AHNAK2: variants seen among roughly 807,000 people sequenced by gnomAD.
AHNAK2 encodes the protein AHNAK nucleoprotein 2, also known as protein AHNAK2.
In AHNAK2, 18 loss-of-function variants were observed where a neutral mutation model predicts 30.7. That is an observed-to-expected ratio of 0.59 (90% CI 0.41 to 0.87). The LOEUF (loss-of-function observed/expected upper bound fraction) is 0.87, where lower values mean the gene tolerates loss of function less well. Among genes scored for constraint, AHNAK2 ranks in the 40% least tolerant of loss-of-function variants. The probability of loss-of-function intolerance (pLI) is 0.00; values close to 1 mark genes in which losing one functional copy is unlikely to be tolerated. For missense variants in AHNAK2, 8,604 were observed against 7,373.0 expected, an observed-to-expected ratio of 1.17 and a Z score of -6.11; for synonymous variants, 3,590 against 3,073.8, an observed-to-expected ratio of 1.17 and a Z score of -5.56.
chr14:104,947,192 A>G lies in AHNAK2; in HGVS notation c.8259T>C (p.Val2753=), dbSNP rs749659848. 92 of 1,609,826 alleles carry G rather than the reference A, an allele frequency of 5.7e-5. 2 individuals carry two copies. Among genetic ancestry groups the G allele is most frequent in the African/African-American group, 1.4e-4 (10 of 73,352 alleles). ...EVDLKGPQID[V]KGPNVDLKGP... ...CTTTCAGGTCCACGTTGGGGCCCTT[A>G]ACATCTATCTGGGGGCCCTTGAGGT... is the stretch of plus-strand genomic sequence containing the variant. Residue 2753 remains valine, a synonymous_variant, in exon 7 of 7, where the codon GTT becomes GTC. Coordinates refer to ENST00000333244, the MANE Select transcript of AHNAK2 (RefSeq NM_138420.4).
At chr14:104,975,879 A>G (rs957198743) in intron 1 of AHNAK2, among the ~76,000 whole-genome samples, 5 of 152,144 alleles carry the variant, frequency 3.3e-5, no homozygotes, top group African/African-American at 1.2e-4. Flanking sequence ...GGCCCTGAAG[A>G]GGGCACCAGC....
chr14:104,966,413 C>T lies in AHNAK2; in HGVS notation c.56-8741G>A, dbSNP rs1276059936. Among the ~76,000 whole-genome samples the T allele has an allele frequency of 6.6e-6, 1 of 152,132 alleles. No homozygotes were observed. The highest frequency in any genetic ancestry group is 1.5e-5 in the Non-Finnish European group (1 of 68,020). On this transcript the variant is annotated intron_variant, in intron 1 of 6. Transcript: ENST00000333244. This position sits in a 1 kb window ranked among gnomAD's most constrained non-coding sequence, Gnocchi z 4.3. ...CACAGGCCCCTTCTCCCTAACCAGG[C>T]AGTGAAGGGGCAAGACCCTGTCTCC...
chr14:104,971,032 C>T (rs1192243544), intron 1 of AHNAK2, among the ~76,000 whole-genome samples: 2 of 152,178 alleles, frequency 1.3e-5, no homozygotes, highest in Non-Finnish European at 2.9e-5. Flanking sequence ...ACCCTGGCCT[C>T]CCTTCAGCCC....
Position 104,952,069 on chromosome 14 carries a change from T to C in AHNAK2, c.3382A>G (p.Ser1128Gly). Residue 1128 changes from serine to glycine, a missense_variant, in exon 7 of 7, where the codon AGC becomes GGC. By Grantham distance (56) the Ser-to-Gly change is moderately conservative. Transcript: ENST00000333244. Reference protein sequence around the residue: ...TAPDVEVSLPSVEVDVEAPGA... With the variant: ...TAPDVEVSLPGVEVDVEAPGA... ...GGGGCCTCGACGTCCACCTCCACGCTGGGCAGAGACACCTCCACATCAGGG... is the reference window on the plus strand; with the variant it reads ...GGGGCCTCGACGTCCACCTCCACGCCGGGCAGAGACACCTCCACATCAGGG... 6.2e-7 allele frequency: 1 copy of C among 1,612,642 alleles called. No individual in the cohort carries two copies. The highest frequency in any genetic ancestry group is 8.5e-7 in the Non-Finnish European group (1 of 1,179,518).
At position 104,954,119 on chromosome 14, in the gene AHNAK2, A is replaced by T; in HGVS notation, c.1332T>A (p.Pro444=). 1 of 1,611,866 alleles carries T rather than the reference A, an allele frequency of 6.2e-7. No homozygotes were observed. The highest frequency in any genetic ancestry group is 8.5e-7 in the Non-Finnish European group (1 of 1,179,760). The part of the protein sequence containing the change: ...AQRKPRAQPT[P]GMSREGEGEG... ...CGCCTTCACCCTCCCGGCTCATTCC[A>T]GGAGTTGGCTGGGCCCTGGGCTTCC... The change falls in exon 7 of 7, where the codon CCT becomes CCA. Residue 444 remains proline (P), a synonymous_variant. Transcript: ENST00000333244. This position sits in a 1 kb window ranked among gnomAD's most constrained non-coding sequence, Gnocchi z 4.3.
chr14:104,961,783 G>A (rs1044193063), intron 1 of AHNAK2, among the ~76,000 whole-genome samples: 10 of 152,004 alleles, frequency 6.6e-5, no homozygotes, highest in Admixed American at 5.2e-4. Flanking sequence ...GACTAGCCTG[G>A]GCAACACAGT....
chr14:104,965,401 C>CAAAAAAAAAAAAAAAAAAAAGAAA (rs1899272498), intron 1 of AHNAK2, among the ~76,000 whole-genome samples: 1 of 85,520 alleles, frequency 1.2e-5, no homozygotes, highest in African/African-American at 4.6e-5. Context: ...AACTCTGTCT[C>CAAAAAAAAAAAAAAAAAAAAGAAA]AAAAAAAAAA....
In AHNAK2 at chr14:104,948,879, G is replaced by C; in HGVS notation, c.6572C>G (p.Ser2191Cys). ...AGTGGTCTTGAGGTCCCCCTGCATG[G>C]AGGGGAGACTCATGTCGGCCTCCAC... ...PKVEADMSLPSMQGDLKTTDL... is the reference protein window; with the variant it reads ...PKVEADMSLPCMQGDLKTTDL... Residue 2191 changes from serine to cysteine, a missense_variant, in exon 7 of 7, where the codon TCC becomes TGC. By Grantham distance (112) the Ser-to-Cys change is moderately radical. Transcript: ENST00000333244. 1 of 1,609,746 alleles carries C rather than the reference G, an allele frequency of 6.2e-7. No homozygotes were observed. Among genetic ancestry groups the C allele is most frequent in the Non-Finnish European group, 8.5e-7 (1 of 1,178,270 alleles).
At position 104,950,209 on chromosome 14, in the gene AHNAK2, T is replaced by G. The variant is rs773515959; in HGVS notation, c.5242A>C (p.Ser1748Arg). Residue 1748 changes from serine (S) to arginine (R), a missense_variant, in exon 7 of 7, where the codon AGT (serine) becomes CGT (arginine). By Grantham distance (110) the Ser-to-Arg change is moderately radical. Coordinates refer to ENST00000333244, the MANE Select transcript of AHNAK2 (RefSeq NM_138420.4). ...AGGGCCACTTTGGGCATCTTCAAAC[T>G]GGGCATCTGCACCTTGGGGAGGTGC... The part of the protein sequence containing the change: ...KGHLPKVQMP[S>R]LKMPKVALKG... 3 of 1,585,416 alleles carry G rather than the reference T, an allele frequency of 1.9e-6. 1 individual carries two copies. The highest frequency in any genetic ancestry group is 2.2e-5 in the South Asian group (2 of 89,926).
chr14:104,963,521 T>C (rs1358215924), intron 1 of AHNAK2, among the ~76,000 whole-genome samples: 1 of 152,112 alleles, frequency 6.6e-6, no homozygotes, highest in African/African-American at 2.4e-5. Context: ...ATGACAGATA[T>C]TGGTCTATAT....
rs369664855 is a variant in AHNAK2, at chr14:104,944,379, G to A, written c.11072C>T (p.Pro3691Leu). ...AGCCTGGACCTTCAGGTCGGCAGAA[G>A]GGGGCTGAATGCTGAGGTCAGTGGT... ...LKTTDLSIQP[P>L]SADLKVQAGQ... The change falls in exon 7 of 7, where the codon CCT (proline) becomes CTT (leucine). Residue 3691 changes from proline to leucine, a missense_variant. Coordinates refer to ENST00000333244, the MANE Select transcript of AHNAK2 (RefSeq NM_138420.4). 7 of 1,610,780 alleles carry A rather than the reference G, an allele frequency of 4.3e-6. No homozygotes were observed. In the African/African-American group the frequency reaches 5.4e-5, roughly 12 times the overall value.
chr14:104,956,375 G>T (rs1898974655), intron 4 of AHNAK2, among the ~76,000 whole-genome samples: 1 of 152,146 alleles, frequency 6.6e-6, no homozygotes, highest in African/African-American at 2.4e-5. Context: ...ACCCCAGGGA[G>T]GGGTGGAGAG....
chr14:104,959,108 G>A (rs1450116450), intron 1 of AHNAK2, among the ~76,000 whole-genome samples: 6 of 152,186 alleles, frequency 3.9e-5, no homozygotes, highest in Admixed American at 6.5e-5. Context: ...GCTGAAGTGC[G>A]AGGATTGCTT....
rs536679222 is a variant in AHNAK2, at chr14:104,951,401, G to T, written c.4050C>A (p.Ser1350=). 157 of 1,068,232 alleles carry T rather than the reference G, an allele frequency of 1.5e-4. 47 individuals are homozygous for T. Among genetic ancestry groups the T allele is most frequent in the Admixed American group, 8.1e-4 (37 of 45,884 alleles). The allele number at this position is 1,068,232 out of a possible 1,614,324, so 66.2% of individuals were successfully genotyped here. Residue 1350 remains serine, a synonymous_variant, in exon 7 of 7, where the codon TCC becomes TCA. Coordinates refer to ENST00000333244, the MANE Select transcript of AHNAK2 (RefSeq NM_138420.4). ...CCACCTTGGGTGCAGACAGGTCCAC[G>T]GAGGCCTCAATGGACTTGCCTGGGG... ...VSAPGKSIEA[S]VDLSAPKVEA...
At chr14:104,969,177 C>T (rs1265904136) in intron 1 of AHNAK2, among the ~76,000 whole-genome samples, 1 of 152,226 alleles carries the variant, frequency 6.6e-6, no homozygotes, top group Non-Finnish European at 1.5e-5. Context: ...CTGGGGAAGC[C>T]AGACTCAGTC....
chr14:104,954,016 G>A lies in AHNAK2; in HGVS notation c.1435C>T (p.Pro479Ser). Residue 479 changes from proline (P) to serine (S), a missense_variant, in exon 7 of 7, where the codon CCA becomes TCA. By Grantham distance (74) the Pro-to-Ser change is moderately conservative (BLOSUM62 -1). Coordinates refer to ENST00000333244, the MANE Select transcript of AHNAK2 (RefSeq NM_138420.4). The surrounding 1 kb of genome is among the most constrained non-coding windows in gnomAD (Gnocchi z 4.3). Reference protein sequence around the residue: ...DTTEGGTQIGPPEIRVRVHDL... With the variant: ...DTTEGGTQIGSPEIRVRVHDL... Reference sequence around the variant, plus strand: ...TGTACTCGCACCCTAATTTCTGGTGGGCCAATCTGTGTGCCTCCTTCGGTT... The same window carrying A: ...TGTACTCGCACCCTAATTTCTGGTGAGCCAATCTGTGTGCCTCCTTCGGTT... 2 of 1,613,646 alleles carry A rather than the reference G, an allele frequency of 1.2e-6. No individual in the cohort carries two copies. The highest frequency in any genetic ancestry group is 1.7e-6 in the Non-Finnish European group (2 of 1,179,846).
chr14:104,954,874 T>C lies in AHNAK2; in HGVS notation c.652-75A>G. The C allele has an allele frequency of 6.5e-7, 1 of 1,542,750 alleles. No individual in the cohort carries two copies. The highest frequency in any genetic ancestry group is 8.7e-7 in the Non-Finnish European group (1 of 1,146,480). On this transcript the variant is annotated intron_variant, in intron 6 of 6. Coordinates refer to ENST00000333244, the MANE Select transcript of AHNAK2 (RefSeq NM_138420.4). This position sits in a 1 kb window ranked among gnomAD's most constrained non-coding sequence, Gnocchi z 4.3. ...GGCCCTGGCCCAGGGACAGATGGAG[T>C]GGGAGTGCTATCCCCTCCCAGGCTC... is the stretch of plus-strand genomic sequence containing the variant.
rs1898622084 is a variant in AHNAK2 at position 104,950,449 on chromosome 14, A to T, written c.5002T>A (p.Phe1668Ile). Reference protein sequence around the residue: ...FKMPKFKMPSFGVSAPGKSIE... With the variant: ...FKMPKFKMPSIGVSAPGKSIE... ...GACTTGCCTGGGGCCGACACCCCAAATGATGGCATCTTGAACTTGGGCATT... is the reference window on the plus strand; with the variant it reads ...GACTTGCCTGGGGCCGACACCCCAATTGATGGCATCTTGAACTTGGGCATT... Residue 1668 changes from phenylalanine to isoleucine, a missense_variant, in exon 7 of 7, where the codon TTT (phenylalanine) becomes ATT (isoleucine). Coordinates refer to ENST00000333244, the MANE Select transcript of AHNAK2 (RefSeq NM_138420.4). 1 of 1,585,432 alleles carries T rather than the reference A, an allele frequency of 6.3e-7. No homozygotes were observed. The highest frequency in any genetic ancestry group is 8.6e-7 in the Non-Finnish European group (1 of 1,162,464).
chr14:104,952,420 A>G lies in AHNAK2; in HGVS notation c.3031T>C (p.Ser1011Pro), dbSNP rs1023117370. The change falls in exon 7 of 7, where the codon TCG (serine) becomes CCG (proline). Residue 1011 changes from serine (S) to proline (P), a missense_variant. Coordinates refer to ENST00000333244, the MANE Select transcript of AHNAK2 (RefSeq NM_138420.4). ...PKFKMPSFGV[S>P]APGKSIKALV... ...GCCTTGATGGACTTCCCTGGGGCCGATACCCCGAACGACGGCATCTTGAAC... is the reference window on the plus strand; with the variant it reads ...GCCTTGATGGACTTCCCTGGGGCCGGTACCCCGAACGACGGCATCTTGAAC... The G allele has an allele frequency of 6.2e-7, 1 of 1,612,466 alleles. No individual in the cohort carries two copies. Among genetic ancestry groups the G allele is most frequent in the Non-Finnish European group, 8.5e-7 (1 of 1,179,488 alleles).
Sources: allele counts gnomAD v4.1 joint callset (sites outside exome capture counted in the v4.1 genomes callset), GRCh38; gene constraint gnomAD v4.1.1; non-coding constraint Gnocchi (gnomAD v3.1); transcripts MANE v1.5; gene names NCBI Gene and HGNC (gene_info 2026-07-23, HGNC 2026-07-21).